The following TNIK variants were observed in gnomAD, a reference collection of about 807,000 sequenced individuals.
TNIK encodes the protein TRAF2 and NCK interacting kinase, also known as TRAF2 and NCK-interacting protein kinase.
A neutral mutation model predicts 191.3 loss-of-function variants in TNIK; 49 were observed. The ratio of observed to expected loss-of-function variants is 0.26; its 90% confidence interval spans 0.20 to 0.32. The LOEUF (loss-of-function observed/expected upper bound fraction) is 0.32. Among genes scored for constraint, TNIK ranks in the 10% least tolerant of loss-of-function variants. The probability of loss-of-function intolerance (pLI) is 1.00; values close to 1 mark genes in which losing one functional copy is unlikely to be tolerated. For synonymous variants in TNIK, 594 were observed against 600.9 expected, an observed-to-expected ratio of 0.99 and a Z score of 0.17; for missense variants, 1,155 against 1,702.3, an observed-to-expected ratio of 0.68 and a Z score of 5.66.
At chr3:171,230,995 T>C (rs1743556196) in intron 2 of TNIK, among the ~76,000 whole-genome samples, 2 of 152,236 alleles carry the variant, frequency 1.3e-5, no homozygotes, top group South Asian at 4.1e-4. Context: ...CCCTGAGGCA[T>C]GTCTGCCAGC....
chr3:171,111,988 A>G (rs957821157), intron 18 of TNIK, among the ~76,000 whole-genome samples: 1 of 152,202 alleles, frequency 6.6e-6, no homozygotes, highest in Non-Finnish European at 1.5e-5. Context: ...ACTTTTGGAA[A>G]TCTACTGTAC....
intron 28 of TNIK, among the ~76,000 whole-genome samples, chr3:171,073,799 A>G (rs1319354157): frequency 1.3e-5 from 2 of 151,934 alleles, no homozygotes; most frequent in Non-Finnish European, 2.9e-5. Flanking sequence ...CAAAACCACA[A>G]TGAGATGCCA....
intron 2 of TNIK, among the ~76,000 whole-genome samples, chr3:171,356,958 C>G (rs2108455329): frequency 6.6e-6 from 1 of 152,190 alleles, no homozygotes; most frequent in East Asian, 1.9e-4. Context: ...GGAAAACAAC[C>G]TCCAAAAACC....
intron 3 of TNIK, chr3:171,225,601 T>C (rs1407917875): frequency 2.2e-6 from 1 of 456,478 alleles, no homozygotes; most frequent in Non-Finnish European, 4.4e-6. Flanking sequence ...GCTTAGATGC[T>C]TAATGAAACC....
intron 2 of TNIK, among the ~76,000 whole-genome samples, chr3:171,264,063 TACATACAC>T (rs759669637): frequency 5.3e-5 from 5 of 94,464 alleles, no homozygotes; most frequent in African/African-American, 1.0e-4. Context: ...TGTATATATA[TACATACAC>T]ACACACACAC....
chr3:171,083,483 TGTTTATA>T (rs950141587), intron 26 of TNIK, among the ~76,000 whole-genome samples: 15 of 152,326 alleles, frequency 9.8e-5, no homozygotes, highest in African/African-American at 3.4e-4. Flanking sequence ...CTGTATGAGA[TGTTTATA>T]GTAACACAGA....
chr3:171,266,779 T>C (rs1164437643), intron 2 of TNIK, among the ~76,000 whole-genome samples: 2 of 152,212 alleles, frequency 1.3e-5, no homozygotes, highest in African/African-American at 4.8e-5. Flanking sequence ...CTGGCCTTTC[T>C]TGAGAAACCA....
At chr3:171,339,583 C>T (rs774013056) in intron 2 of TNIK, among the ~76,000 whole-genome samples, 3 of 152,238 alleles carry the variant, frequency 2.0e-5, no homozygotes, top group Non-Finnish European at 4.4e-5. Flanking sequence ...TACACAGTAG[C>T]CCCTCAATGC....
chr3:171,341,519 A>G (rs1757526447), intron 2 of TNIK, among the ~76,000 whole-genome samples: 2 of 119,228 alleles, frequency 1.7e-5, no homozygotes, highest in African/African-American at 3.1e-5. Context: ...AAAAAAAAAA[A>G]GCCATATATT....
At chr3:171,342,430 C>A (rs1417451997) in intron 2 of TNIK, among the ~76,000 whole-genome samples, 1 of 152,150 alleles carries the variant, frequency 6.6e-6, no homozygotes, top group African/African-American at 2.4e-5. Context: ...GGCAGAAAGG[C>A]TTTGCTTGTT....
At chr3:171,205,629 C>G (rs1018433350) in intron 4 of TNIK, among the ~76,000 whole-genome samples, 1 of 152,164 alleles carries the variant, frequency 6.6e-6, no homozygotes, top group African/African-American at 2.4e-5. Context: ...AACTGGTCTC[C>G]TGTTTCTCTC....
chr3:171,229,678 T>A (rs1743371679), intron 2 of TNIK, among the ~76,000 whole-genome samples: 1 of 152,194 alleles, frequency 6.6e-6, no homozygotes, highest in Admixed American at 6.5e-5. Flanking sequence ...CTGCCTGTCC[T>A]CTTTCTTCTC....
intron 2 of TNIK, among the ~76,000 whole-genome samples, chr3:171,258,346 C>T (rs1747150203): frequency 6.6e-6 from 1 of 152,208 alleles, no homozygotes; most frequent in East Asian, 1.9e-4. Flanking sequence ...AAGAGCTACA[C>T]TATCTCACTA....
chr3:171,100,650 G>A (rs1300182510), intron 22 of TNIK, among the ~76,000 whole-genome samples: 1 of 150,996 alleles, frequency 6.6e-6, no homozygotes, highest in Non-Finnish European at 1.5e-5. Flanking sequence ...TGCTTACTAG[G>A]TGGAGGAACT....
chr3:171,311,358 A>G (rs1378257182), intron 2 of TNIK, among the ~76,000 whole-genome samples: 1 of 152,186 alleles, frequency 6.6e-6, no homozygotes, highest in Non-Finnish European at 1.5e-5. Context: ...CAGCTGGGAA[A>G]TGCAGAAGGA....
At position 171,206,335 on chromosome 3, in the gene TNIK, G is replaced by GTATATATATATA. The variant is rs60356829; in HGVS notation, c.306+4769_306+4780dup. The stretch of plus-strand genomic sequence containing the variant: ...AATATATGGAGATATATATGTTCGT[G>GTATATATATATA]TATATATATATATATATATGGAAGA... On this transcript the variant is annotated intron_variant, in intron 4 of 32. Coordinates refer to ENST00000436636, the MANE Select transcript of TNIK (RefSeq NM_015028.4). Among the ~76,000 whole-genome samples, 1,273 of 132,992 alleles carry GTATATATATATA rather than the reference G, an allele frequency of 9.6e-3. 33 individuals carry two copies. The highest frequency in any genetic ancestry group is 0.014 in the Non-Finnish European group (866 of 62,430). 87.2% of individuals were successfully genotyped at this position (132,992 alleles called of 152,430 possible).
chr3:171,279,467 C>T (rs1444504038), intron 2 of TNIK, among the ~76,000 whole-genome samples: 2 of 152,178 alleles, frequency 1.3e-5, no homozygotes, highest in African/African-American at 4.8e-5. Context: ...TAACAGCTCT[C>T]CTAACTGATC....
At chr3:171,252,847 C>T (rs1201681476) in intron 2 of TNIK, among the ~76,000 whole-genome samples, 1 of 152,074 alleles carries the variant, frequency 6.6e-6, no homozygotes, top group African/African-American at 2.4e-5. Context: ...AAATAAACAG[C>T]TAGGATTTCA....
intron 32 of TNIK, among the ~76,000 whole-genome samples, chr3:171,064,550 G>A (rs1427440713): frequency 6.6e-6 from 1 of 152,158 alleles, no homozygotes; most frequent in Non-Finnish European, 1.5e-5. Flanking sequence ...AAGAGTTAAC[G>A]CATGGTTTCT....
Sources: gnomAD v4.1 joint callset for allele counts (sites outside exome capture counted in the v4.1 genomes callset) on GRCh38, gnomAD v4.1.1 for gene constraint, MANE v1.5 for transcripts, NCBI Gene and HGNC (gene_info 2026-07-23, HGNC 2026-07-21) for gene names.